SPIDR: variants seen among roughly 807,000 people sequenced by gnomAD.
SPIDR encodes scaffold protein involved in DNA repair, also known as DNA repair-scaffolding protein.
SPIDR carries 93 observed loss-of-function variants against 104.6 expected under a neutral mutation model. The ratio of observed to expected loss-of-function variants is 0.89; its 90% confidence interval spans 0.75 to 1.06. The LOEUF is 1.06. SPIDR is among the 50% of genes least tolerant of loss of function. SPIDR has a pLI of 0.00. For synonymous variants in SPIDR, 431 were observed against 416.9 expected, an observed-to-expected ratio of 1.03 and a Z score of -0.41; for missense variants, 1,154 against 1,111.2, an observed-to-expected ratio of 1.04 and a Z score of -0.55.
intron 5 of SPIDR, among the ~76,000 whole-genome samples, chr8:47,385,822 G>A (rs1482813712): frequency 1.3e-5 from 2 of 151,908 alleles, no homozygotes; most frequent in Admixed American, 6.6e-5. Context: ...TGTTGTTGTT[G>A]TTTTACCAGT....
chr8:47,669,391 G>A (rs143211893), intron 10 of SPIDR, among the ~76,000 whole-genome samples: 1 of 152,142 alleles, frequency 6.6e-6, no homozygotes, highest in Non-Finnish European at 1.5e-5. Flanking sequence ...TCGAACCAGG[G>A]GGGTGATGAC....
intron 8 of SPIDR, among the ~76,000 whole-genome samples, chr8:47,486,199 G>A (rs899789049): frequency 6.6e-6 from 1 of 152,186 alleles, no homozygotes; most frequent in South Asian, 2.1e-4. Flanking sequence ...AGAACTATGT[G>A]ACAAATGCAC....
At chr8:47,622,993 C>T (rs1341916378) in intron 10 of SPIDR, among the ~76,000 whole-genome samples, 2 of 152,166 alleles carry the variant, frequency 1.3e-5, no homozygotes, top group Non-Finnish European at 1.5e-5. Flanking sequence ...TCAGTATCCG[C>T]TACGCCCTAG....
At chr8:47,399,775 G>A (rs930707086) in intron 6 of SPIDR, among the ~76,000 whole-genome samples, 4 of 152,194 alleles carry the variant, frequency 2.6e-5, no homozygotes, top group Admixed American at 2.6e-4. Context: ...TGGGTAAAGT[G>A]AGAATGAGAA....
chr8:47,673,391 C>T, intron 10 of SPIDR: 1 of 457,100 alleles, frequency 2.2e-6, no homozygotes, highest in Non-Finnish European at 4.4e-6. Context: ...CGAGCATCCA[C>T]ACAAAGCAAA....
At chr8:47,502,356 G>T (rs1159235015) in intron 8 of SPIDR, among the ~76,000 whole-genome samples, 1 of 152,002 alleles carries the variant, frequency 6.6e-6, no homozygotes, top group Non-Finnish European at 1.5e-5. Context: ...ACTTCTTCCT[G>T]GTTTAGTCTT....
intron 4 of SPIDR, among the ~76,000 whole-genome samples, chr8:47,292,168 A>G (rs1393190589): frequency 2.0e-5 from 3 of 152,236 alleles, no homozygotes; most frequent in African/African-American, 4.8e-5. Flanking sequence ...CAAATCATCT[A>G]TAGAGTATTT....
chr8:47,676,345 AATT>A (rs2076446937), intron 11 of SPIDR, among the ~76,000 whole-genome samples: 1 of 152,150 alleles, frequency 6.6e-6, no homozygotes, highest in African/African-American at 2.4e-5. Context: ...TTATATATTT[AATT>A]ATATTTTGCC....
intron 5 of SPIDR, among the ~76,000 whole-genome samples, chr8:47,394,935 A>T (rs1554657291): frequency 6.6e-6 from 1 of 152,140 alleles, no homozygotes; most frequent in Non-Finnish European, 1.5e-5. Context: ...TAAGCTCTGC[A>T]TTTATTTTAG....
intron 10 of SPIDR, among the ~76,000 whole-genome samples, chr8:47,645,750 G>T (rs190914301): frequency 4.5e-4 from 68 of 152,226 alleles, no homozygotes; most frequent in Non-Finnish European, 7.5e-4. Flanking sequence ...AATCAATAGG[G>T]AAAGATGAAC....
chr8:47,379,329 G>A (rs1037499887), intron 5 of SPIDR, among the ~76,000 whole-genome samples: 1 of 152,186 alleles, frequency 6.6e-6, no homozygotes, highest in Non-Finnish European at 1.5e-5. Flanking sequence ...GATGGCTTGA[G>A]TCCAGGAGTT....
chr8:47,312,839 G>T (rs2044476915), intron 5 of SPIDR, among the ~76,000 whole-genome samples: 1 of 152,142 alleles, frequency 6.6e-6, no homozygotes, highest in African/African-American at 2.4e-5. Flanking sequence ...TTCTTCTAGG[G>T]TTTTTATGGT....
intron 7 of SPIDR, among the ~76,000 whole-genome samples, chr8:47,414,871 A>T (rs1308799724): frequency 2.0e-5 from 3 of 152,230 alleles, no homozygotes; most frequent in Non-Finnish European, 2.9e-5. Flanking sequence ...GAATGTCTCT[A>T]ACACATTATT....
intron 16 of SPIDR, among the ~76,000 whole-genome samples, chr8:47,723,209 T>G (rs2083665541): frequency 6.6e-6 from 1 of 152,178 alleles, no homozygotes; most frequent in South Asian, 2.1e-4. Flanking sequence ...TTCTTGTTTT[T>G]TGTTCACTCC....
intron 10 of SPIDR, among the ~76,000 whole-genome samples, chr8:47,603,946 A>G (rs922121319): frequency 2.0e-5 from 3 of 151,888 alleles, no homozygotes; most frequent in Non-Finnish European, 4.4e-5. Context: ...CATGTTGTAT[A>G]TTTATTCCTT....
intron 10 of SPIDR, among the ~76,000 whole-genome samples, chr8:47,610,441 G>A (rs1054261985): frequency 6.6e-6 from 1 of 152,240 alleles, no homozygotes; most frequent in Non-Finnish European, 1.5e-5. Context: ...GAGAAAGGAT[G>A]AGATCAAGCC....
At chr8:47,402,962 C>T (rs1002925030) in intron 6 of SPIDR, among the ~76,000 whole-genome samples, 2 of 152,170 alleles carry the variant, frequency 1.3e-5, no homozygotes, top group Admixed American at 1.3e-4. Context: ...CAATAAAATA[C>T]TGGCAAACTG....
intron 6 of SPIDR, among the ~76,000 whole-genome samples, chr8:47,405,807 T>G (rs375400658): frequency 2.0e-5 from 3 of 152,180 alleles, no homozygotes; most frequent in Admixed American, 6.6e-5. Flanking sequence ...ACATGAGATA[T>G]GTTTTTACTA....
chr8:47,525,447 C>G (rs1033906065), intron 8 of SPIDR, among the ~76,000 whole-genome samples: 8 of 152,088 alleles, frequency 5.3e-5, no homozygotes, highest in African/African-American at 1.4e-4. Flanking sequence ...TAGGTGAAAA[C>G]TTAGAAAATT....
Sources: allele counts gnomAD v4.1 joint callset (sites outside exome capture counted in the v4.1 genomes callset), GRCh38; gene constraint gnomAD v4.1.1; transcripts MANE v1.5; gene names NCBI Gene and HGNC (gene_info 2026-07-23, HGNC 2026-07-21).